LIG4: variants seen among roughly 807,000 people sequenced by gnomAD.
LIG4 encodes DNA ligase 4.
In LIG4, 13 loss-of-function variants were observed where a neutral mutation model predicts 19.0. That is an observed-to-expected ratio of 0.68 (90% CI 0.44 to 1.09). The LOEUF (loss-of-function observed/expected upper bound fraction) is 1.09. Among genes scored for constraint, LIG4 ranks in the 50% least tolerant of loss-of-function variants. LIG4 has a pLI of 0.00. For synonymous variants in LIG4, 361 were observed against 358.2 expected (o/e 1.01, Z -0.09); for missense variants, 1,026 against 1,089.7 (o/e 0.94, Z 0.82).
At chr13:108,214,670 C>T (rs938032908) in intron 1 of LIG4, 60 bp from the exon 2 acceptor site, 6 of 152,156 alleles carry the variant, frequency 3.9e-5, no homozygotes, top group African/African-American at 1.5e-4. Flanking sequence ...CAATACAGTT[C>T]CAGGGAGTCA....
At position 108,209,875 on chromosome 13, in the gene LIG4, A is replaced by G. The variant is rs774031695; in HGVS notation, c.1394T>C (p.Leu465Ser). Reference protein sequence around the residue: ...VSGLMDELDILIVGGYWGKGS... With the variant: ...VSGLMDELDISIVGGYWGKGS... ...TTTACCCCAATATCCTCCAACAATT[A>G]AAATGTCCAATTCATCCATTAGTCC... The change falls in exon 3 of 3, where the codon TTA (leucine) becomes TCA (serine). Residue 465 changes from leucine to serine, a missense_variant. Coordinates refer to ENST00000442234, the MANE Select transcript of LIG4 (RefSeq NM_206937.2). 6.2e-6 allele frequency: 10 copies of G among 1,614,070 alleles called. No individual in the cohort carries two copies. The Admixed American group carries it at 8.3e-5, about 13-fold the overall frequency.
Position 108,209,164 on chromosome 13 carries a change from G to A in LIG4, c.2105C>T (p.Ala702Val). The part of the protein sequence containing the change: ...NPGPDTYCVI[A>V]GSENIRVKNI... ...TTTCACTCTGATGTTCTCAGACCCT[G>A]CAATTACACAGTACGTGTCTGGGCC... Residue 702 changes from alanine (A) to valine (V), a missense_variant, in exon 3 of 3, where the codon GCA becomes GTA. Transcript: ENST00000442234. 1 of 1,614,122 alleles carries A rather than the reference G, an allele frequency of 6.2e-7. No homozygotes were observed. Among genetic ancestry groups the A allele is most frequent in the Non-Finnish European group, 8.5e-7 (1 of 1,180,020 alleles).
Position 108,210,942 on chromosome 13 carries a change from A to G in LIG4, c.327T>C (p.Leu109=), listed in dbSNP as rs766104689. Residue 109 remains leucine, a synonymous_variant, in exon 3 of 3, where the codon CTT becomes CTC. Coordinates refer to ENST00000442234, the MANE Select transcript of LIG4 (RefSeq NM_206937.2). ...TTCCAGTGGGTGTTCTGTAGTTTAA[A>G]AGTTTGAGGGCATCTTTTCCATCTC... ...LPRDGKDALK[L]LNYRTPTGTH... is the part of the protein sequence containing the mutation. 1 of 1,613,846 alleles carries G rather than the reference A, an allele frequency of 6.2e-7. No individual in the cohort carries two copies. Among genetic ancestry groups the G allele is most frequent in the South Asian group, 1.1e-5 (1 of 91,000 alleles).
rs2138965022 is a variant in LIG4 at position 108,208,504 on chromosome 13, A to G, written c.*29T>C. 3.5e-6 allele frequency: 5 copies of G among 1,420,602 alleles called. No homozygotes were observed. The highest frequency in any genetic ancestry group is 5.0e-6 in the Non-Finnish European group (5 of 1,006,854). 88.0% of individuals were successfully genotyped at this position (1,420,602 alleles called of 1,614,324 possible). A position where few individuals can be genotyped will look rare whatever the true frequency, so the allele number is the denominator to read the frequency against. On this transcript the variant is annotated 3_prime_UTR_variant, in exon 3 of 3. Transcript: ENST00000442234. The stretch of plus-strand genomic sequence containing the variant: ...CCTGCTGCAATGAGTCTGCCAGATC[A>G]GAGGCTTTCCTCACTAGGAAACCTA...
intron 2 of LIG4, among the ~76,000 whole-genome samples, chr13:108,213,129 T>A (rs1013296427): frequency 1.3e-5 from 2 of 152,178 alleles, no homozygotes; most frequent in African/African-American, 4.8e-5. Flanking sequence ...CAGACCACTT[T>A]CCTGAAACTT....
At chr13:108,211,843 C>T (rs75953058) in intron 2 of LIG4, among the ~76,000 whole-genome samples, 4,598 of 152,136 alleles carry the variant, frequency 0.03, 238 homozygotes, top group African/African-American at 0.11. Flanking sequence ...GGGCCCTTGA[C>T]CAAAAAACAA....
At chr13:108,212,315 T>C (rs1287769561) in intron 2 of LIG4, among the ~76,000 whole-genome samples, 2 of 152,108 alleles carry the variant, frequency 1.3e-5, no homozygotes, top group Admixed American at 6.5e-5. Context: ...TTCCCTAAAG[T>C]ATCTGCTAAA....
At chr13:108,211,938 T>C (rs3093758) in intron 2 of LIG4, among the ~76,000 whole-genome samples, 4,599 of 152,262 alleles carry the variant, frequency 0.03, 240 homozygotes, top group African/African-American at 0.11. Flanking sequence ...CTGCTAGCTA[T>C]GCCAAATCAC....
upstream of LIG4, among the ~76,000 whole-genome samples, chr13:108,216,787 C>T (rs1219689482): frequency 6.6e-6 from 1 of 152,124 alleles, no homozygotes; most frequent in African/African-American, 2.4e-5. Flanking sequence ...AGAAGCTGGA[C>T]TTTGTATTAG....
upstream of LIG4, chr13:108,215,662 G>C (rs981636599): frequency 6.6e-6 from 1 of 151,132 alleles, no homozygotes; most frequent in African/African-American, 2.4e-5. Flanking sequence ...AGCCCCGTGG[G>C]GCTGCGGAGG....
chr13:108,209,441 G>T lies in LIG4; in HGVS notation c.1828C>A (p.Leu610Ile), dbSNP rs374790306. Residue 610 changes from leucine (L) to isoleucine (I), a missense_variant, in exon 3 of 3, where the codon CTC (leucine) becomes ATC (isoleucine). This residue lies in a region of LIG4 where 521 missense variants were observed against 515.5 expected (regional missense o/e 1.01). Coordinates refer to ENST00000442234, the MANE Select transcript of LIG4 (RefSeq NM_206937.2). ...CCTATATAAAGGTGTTTAGATGCGA[G>T]CTTACCAGATGCCTTCCCCCTAAGT... ...EQLRGKASGKLASKHLYIGGD... is the reference protein window; with the variant it reads ...EQLRGKASGKIASKHLYIGGD... 9 of 1,614,146 alleles carry T rather than the reference G, an allele frequency of 5.6e-6. No individual in the cohort carries two copies. Among genetic ancestry groups the T allele is most frequent in the Non-Finnish European group, 7.6e-6 (9 of 1,180,028 alleles).
upstream of LIG4, among the ~76,000 whole-genome samples, chr13:108,215,953 A>T (rs1260134108): frequency 2.0e-5 from 3 of 152,184 alleles, no homozygotes; most frequent in Non-Finnish European, 2.9e-5. Flanking sequence ...AAACTTTTAA[A>T]AAATAGGCTT....
chr13:108,217,714 A>C (rs1279401207), upstream of LIG4, among the ~76,000 whole-genome samples: 2 of 152,098 alleles, frequency 1.3e-5, no homozygotes, highest in Admixed American at 6.5e-5. Flanking sequence ...AAAAAAAAAA[A>C]AACCCACAGA....
intron 2 of LIG4, among the ~76,000 whole-genome samples, chr13:108,212,297 G>C (rs571193672): frequency 8.3e-4 from 126 of 152,214 alleles, no homozygotes; most frequent in African/African-American, 3.0e-3. Context: ...GTCCTGAGGG[G>C]AGAGCTTTTC....
In LIG4 at chr13:108,210,126, A is replaced by AG; in HGVS notation, c.1142dup (p.Leu382SerfsTer6). ...TAAGAATCTCATACCTCTTTCTCAG[A>AG]GTCTCATGCCCTAGCTTTTTATTAT... On this transcript the variant is annotated frameshift_variant, in exon 3 of 3. Transcript: ENST00000442234. LOFTEE classifies it low-confidence loss of function (END_TRUNC). 1 of 1,613,766 alleles carries AG rather than the reference A, an allele frequency of 6.2e-7. No homozygotes were observed.
In LIG4 at chr13:108,208,489, T is replaced by C. The variant is rs1034008680; in HGVS notation, c.*44A>G. ...ATTTTATCATTACCACCTGCTGCAA[T>C]GAGTCTGCCAGATCAGAGGCTTTCC... On this transcript the variant is annotated 3_prime_UTR_variant, in exon 3 of 3. Transcript: ENST00000442234. 1.6e-6 allele frequency: 2 copies of C among 1,229,794 alleles called. No individual in the cohort carries two copies. The highest frequency in any genetic ancestry group is 2.4e-6 in the Non-Finnish European group (2 of 840,804). The allele number at this position is 1,229,794 out of a possible 1,614,324, so 76.2% of individuals were successfully genotyped here. A position where few individuals can be genotyped will look rare whatever the true frequency, so the allele number is the denominator to read the frequency against.
chr13:108,210,180 A>T lies in LIG4; in HGVS notation c.1089T>A (p.Cys363Ter), dbSNP rs1566365257. ...CCATCAATACATCAAAAACACAATAACAAGTTTGCAGATCAGAATCCTCTA... is the reference window on the plus strand; with the variant it reads ...CCATCAATACATCAAAAACACAATATCAAGTTTGCAGATCAGAATCCTCTA... ...RMVEDSDLQT[C>*]YCVFDVLMVN... The change falls in exon 3 of 3, where the codon TGT becomes TGA. Residue 363 changes from cysteine to a stop codon, truncating the protein, a stop_gained. Coordinates refer to ENST00000442234, the MANE Select transcript of LIG4 (RefSeq NM_206937.2). LOFTEE classifies it low-confidence loss of function (END_TRUNC). 1.9e-6 allele frequency: 3 copies of T among 1,613,812 alleles called. No individual in the cohort carries two copies. The highest frequency in any genetic ancestry group is 2.5e-6 in the Non-Finnish European group (3 of 1,179,932).
At chr13:108,215,656 C>T (rs891479854), upstream of LIG4, 2 of 151,126 alleles carry the variant, frequency 1.3e-5, no homozygotes, top group Non-Finnish European at 2.9e-5. Flanking sequence ...GCCGGCAGCC[C>T]CGTGGGGCTG....
At chr13:108,211,323 T>C in intron 2 of LIG4, 27 bp from the exon 3 acceptor site, 2 of 1,250,480 alleles carry the variant, frequency 1.6e-6, no homozygotes, top group East Asian at 2.4e-5. Flanking sequence ...AGAATAACTT[T>C]AAGTAAAAGA....
Sources: gnomAD v4.1 joint callset for allele counts (sites outside exome capture counted in the v4.1 genomes callset) on GRCh38, gnomAD v4.1.1 for gene constraint, gnomAD v4.1.1 regional missense constraint, MANE v1.5 for transcripts, NCBI Gene and HGNC (gene_info 2026-07-23, HGNC 2026-07-21) for gene names.